USP10: variants seen among roughly 807,000 people sequenced by gnomAD.
USP10 encodes the protein ubiquitin specific peptidase 10.
In USP10, 22 loss-of-function variants were observed where a neutral mutation model predicts 84.5. The observed-to-expected ratio is 0.26, with a 90% CI of 0.19 to 0.37. The LOEUF is 0.37. USP10 is among the 10% of genes least tolerant of loss of function. The pLI, the probability that USP10 is intolerant of heterozygous loss-of-function variation, is 1.00. For synonymous variants in USP10, 454 were observed against 387.6 expected (o/e 1.17, Z -2.01); for missense variants, 1,019 against 998.9 (o/e 1.02, Z -0.27).
chr16:84,772,084 C>T (rs925857140), intron 11 of USP10, among the ~76,000 whole-genome samples: 2 of 152,020 alleles, frequency 1.3e-5, no homozygotes, highest in African/African-American at 4.8e-5. Context: ...CAAGATCTCG[C>T]TGTGTTGCCC....
At chr16:84,726,605 C>T (rs543069098) in intron 1 of USP10, among the ~76,000 whole-genome samples, 1 of 152,326 alleles carries the variant, frequency 6.6e-6, no homozygotes, top group South Asian at 2.1e-4. Context: ...CCCCCCTTTT[C>T]TCGAAGTGTT....
intron 1 of USP10, among the ~76,000 whole-genome samples, chr16:84,710,464 G>A (rs1045889349): frequency 1.3e-5 from 2 of 152,054 alleles, no homozygotes; most frequent in African/African-American, 2.4e-5. Flanking sequence ...GGGGACTTTT[G>A]AGACAGATTA....
At chr16:84,752,748 G>A (rs1912082028) in intron 4 of USP10, among the ~76,000 whole-genome samples, 1 of 152,126 alleles carries the variant, frequency 6.6e-6, no homozygotes, top group African/African-American at 2.4e-5. Context: ...AGGAAGAAGA[G>A]GAGCTCACGA....
chr16:84,733,599 G>T, intron 2 of USP10, 96 bp downstream of exon 2: 1 of 896,972 alleles, frequency 1.1e-6, no homozygotes, highest in Non-Finnish European at 1.7e-6. Flanking sequence ...GAATTCCAAT[G>T]TAGAGAAAAG....
At chr16:84,758,573 G>T in intron 4 of USP10, 143 bp from the exon 5 acceptor site, 2 of 640,562 alleles carry the variant, frequency 3.1e-6, no homozygotes, top group Non-Finnish European at 5.6e-6. Context: ...ACTGAATGAA[G>T]CCTTAACAGT....
Position 84,728,286 on chromosome 16 carries a change from A to G in USP10, c.22-5149A>G, listed in dbSNP as rs78198463. 3.1e-3 allele frequency among the ~76,000 whole-genome samples: 467 copies of G among 152,276 alleles called. 1 individual carries two copies. The highest frequency in any genetic ancestry group is 0.011 in the African/African-American group (453 of 41,558). ...AGTTAAATAATTGTCACTCACTGGT[A>G]TTTGCTATAAATATATTGAATAAAT... On this transcript the variant is annotated intron_variant, in intron 1 of 13. Coordinates refer to ENST00000219473, the MANE Select transcript of USP10 (RefSeq NM_005153.3).
intron 1 of USP10, among the ~76,000 whole-genome samples, chr16:84,719,167 A>G (rs1485636190): frequency 2.6e-5 from 4 of 152,170 alleles, no homozygotes; most frequent in Non-Finnish European, 5.9e-5. Flanking sequence ...AAAAGCACTA[A>G]AAGAGTTCCC....
chr16:84,779,074 C>G lies in USP10; in HGVS notation c.2389C>G (p.Leu797Val), dbSNP rs1457802656. 6.2e-7 allele frequency: 1 copy of G among 1,613,284 alleles called. No individual in the cohort carries two copies. The highest frequency in any genetic ancestry group is 8.5e-7 in the Non-Finnish European group (1 of 1,179,350). The change falls in exon 14 of 14, where the codon CTG (leucine) becomes GTG (valine). Residue 797 changes from leucine to valine, a missense_variant. Leu to Val is a conservative substitution (Grantham distance 32). Coordinates refer to ENST00000219473, the MANE Select transcript of USP10 (RefSeq NM_005153.3). ...CCTCCTGTATTACCGCCGAGTGGAC[C>G]TGCTGTAAACCCTGTGTGCGCTGTG... The part of the protein sequence containing the change: ...AYLLYYRRVD[L>V]L
chr16:84,731,118 T>TTA lies in USP10; in HGVS notation c.22-2317_22-2316insTA, dbSNP rs1229565489. On this transcript the variant is annotated intron_variant, in intron 1 of 13. Coordinates refer to ENST00000219473, the MANE Select transcript of USP10 (RefSeq NM_005153.3). Reference sequence around the variant, plus strand: ...CATCAGCCTCCTGAGTAGCTGGGACTACAGGTGCATGCCACCATGCCCGGC... The same window carrying TTA: ...CATCAGCCTCCTGAGTAGCTGGGACTTAACAGGTGCATGCCACCATGCCCGGC... Among the ~76,000 whole-genome samples, 15 of 143,028 alleles carry TTA rather than the reference T, an allele frequency of 1.0e-4. 1 individual carries two copies. In the East Asian group the frequency reaches 2.1e-3, roughly 20 times the overall value. The allele number at this position is 143,028 out of a possible 152,430, so 93.8% of individuals were successfully genotyped here.
chr16:84,723,008 G>C (rs1420664259), intron 1 of USP10, among the ~76,000 whole-genome samples: 2 of 152,082 alleles, frequency 1.3e-5, no homozygotes, highest in East Asian at 3.8e-4. Flanking sequence ...CAGAAAGGAG[G>C]GACCAAGAAA....
chr16:84,762,848 A>T (rs895001079), intron 8 of USP10, 141 bp from the exon 9 acceptor site: 1 of 519,456 alleles, frequency 1.9e-6, no homozygotes, highest in African/African-American at 1.9e-5. Flanking sequence ...AGGGAAACCC[A>T]TGTCATCATG....
At chr16:84,757,515 G>A (rs1273050595) in intron 4 of USP10, among the ~76,000 whole-genome samples, 1 of 151,338 alleles carries the variant, frequency 6.6e-6, no homozygotes, top group East Asian at 1.9e-4. Flanking sequence ...GTACAATGTA[G>A]TTTAGAAAAG....
At chr16:84,723,731 G>A (rs935422397) in intron 1 of USP10, among the ~76,000 whole-genome samples, 5 of 152,198 alleles carry the variant, frequency 3.3e-5, no homozygotes, top group African/African-American at 9.7e-5. Flanking sequence ...CAGCTTTATG[G>A]AGGTATAACG....
intron 1 of USP10, among the ~76,000 whole-genome samples, chr16:84,727,699 C>G (rs997953185): frequency 1.3e-5 from 2 of 152,186 alleles, no homozygotes; most frequent in African/African-American, 4.8e-5. Context: ...CTAACAAATG[C>G]AAATATACAG....
At position 84,744,635 on chromosome 16, in the gene USP10, C is replaced by G. The variant is rs1378808276; in HGVS notation, c.154C>G (p.Gln52Glu). Reference protein sequence around the residue: ...TQAVDKLPDGQEYQRIEFGVD... With the variant: ...TQAVDKLPDGEEYQRIEFGVD... ...CTAATAGTTTTCTTTCTAAACAGGA[C>G]AAGAATATCAGAGAATTGAGTTTGG... Residue 52 changes from glutamine to glutamate, a missense_variant and splice_region_variant, in exon 4 of 14, where the codon CAA becomes GAA. By Grantham distance (29) the Gln-to-Glu change is conservative. Around this residue, in one of 2 missense-constraint regions of USP10, gnomAD observed 787 missense variants for 708.8 expected, o/e 1.11. Coordinates refer to ENST00000219473, the MANE Select transcript of USP10 (RefSeq NM_005153.3). The G allele has an allele frequency of 6.2e-7, 1 of 1,603,972 alleles. No individual in the cohort carries two copies. Among genetic ancestry groups the G allele is most frequent in the Non-Finnish European group, 8.5e-7 (1 of 1,173,490 alleles).
chr16:84,722,272 C>G (rs1055666340), intron 1 of USP10, among the ~76,000 whole-genome samples: 5 of 152,210 alleles, frequency 3.3e-5, no homozygotes, highest in African/African-American at 1.2e-4. Context: ...GTGTTGAGTT[C>G]CAGCCTTTTC....
intron 1 of USP10, chr16:84,704,996 C>A: frequency 7.7e-7 from 1 of 1,291,128 alleles, no homozygotes; most frequent in Non-Finnish European, 1.1e-6. Flanking sequence ...ACCGTCTGCG[C>A]TGTAATGGTG....
At chr16:84,725,375 A>G (rs907988666) in intron 1 of USP10, among the ~76,000 whole-genome samples, 3 of 152,054 alleles carry the variant, frequency 2.0e-5, no homozygotes, top group African/African-American at 4.8e-5. Context: ...GTCTGATGAC[A>G]TTTTCTTTTT....
At position 84,758,726 on chromosome 16, in the gene USP10, G is replaced by T. The variant is rs1323329838; in HGVS notation, c.1203G>T (p.Glu401Asp). Residue 401 changes from glutamate (E) to aspartate (D), a missense_variant, in exon 5 of 14, where the codon GAG (glutamate) becomes GAT (aspartate). Physicochemically the swap from Glu to Asp is conservative, Grantham distance 45. Coordinates refer to ENST00000219473, the MANE Select transcript of USP10 (RefSeq NM_005153.3). The stretch of plus-strand genomic sequence containing the variant: ...TCTTCACTCTTTCAGAGTTGCTGGA[G>T]AATGTAACCCTAATCCATAAACCAG... ...PVAIKIAELLENVTLIHKPVS... is the reference protein window; with the variant it reads ...PVAIKIAELLDNVTLIHKPVS... 6.2e-7 allele frequency: 1 copy of T among 1,612,524 alleles called. No homozygotes were observed. The highest frequency in any genetic ancestry group is 8.5e-7 in the Non-Finnish European group (1 of 1,178,514).
Sources: gnomAD v4.1 joint callset for allele counts (sites outside exome capture counted in the v4.1 genomes callset) on GRCh38, gnomAD v4.1.1 for gene constraint, gnomAD v4.1.1 regional missense constraint, MANE v1.5 for transcripts, NCBI Gene and HGNC (gene_info 2026-07-23, HGNC 2026-07-21) for gene names.